CPPED1: variants seen among roughly 807,000 people sequenced by gnomAD.
CPPED1 encodes the protein calcineurin like phosphoesterase domain containing 1.
CPPED1 carries 28 observed loss-of-function variants against 28.0 expected under a neutral mutation model. The observed-to-expected ratio is 1.00, with a 90% CI of 0.74 to 1.37. The LOEUF (loss-of-function observed/expected upper bound fraction) is 1.37. Among genes scored for constraint, CPPED1 ranks in the 40% most tolerant of loss-of-function variants. The pLI, the probability that CPPED1 is intolerant of heterozygous loss-of-function variation, is 0.00. For missense variants in CPPED1, 504 were observed against 416.5 expected (o/e 1.21, Z -1.83); for synonymous variants, 198 against 180.2 (o/e 1.10, Z -0.79).
chr16:12,736,839 T>TA (rs1204920906), intron 2 of CPPED1, among the ~76,000 whole-genome samples: 1 of 152,098 alleles, frequency 6.6e-6, no homozygotes, highest in Non-Finnish European at 1.5e-5. Context: ...TGCTAAGTGT[T>TA]ACGGAGGGAA....
chr16:12,709,341 A>T lies in CPPED1; in HGVS notation c.290-4292T>A, dbSNP rs1394095755. ...TTGTTCTGGGGTCTCCAAGGTGGAT[A>T]AGAGGTATCTGCTGAGAAGTGGGTG... is the stretch of plus-strand genomic sequence containing the variant. On this transcript the variant is annotated intron_variant, in intron 2 of 3. Transcript: ENST00000381774. The surrounding 1 kb of genome is among the most constrained non-coding windows in gnomAD (Gnocchi z 4.4). 6.6e-6 allele frequency among the ~76,000 whole-genome samples: 1 copy of T among 152,194 alleles called. No individual in the cohort carries two copies. The highest frequency in any genetic ancestry group is 6.5e-5 in the Admixed American group (1 of 15,276).
chr16:12,693,225 G>A (rs1357929158), intron 3 of CPPED1, among the ~76,000 whole-genome samples: 3 of 152,112 alleles, frequency 2.0e-5, no homozygotes, highest in Non-Finnish European at 4.4e-5. Flanking sequence ...ATTTGCTTTT[G>A]AGAGTCTCAC....
chr16:12,678,342 A>G (rs1218788041), intron 3 of CPPED1, among the ~76,000 whole-genome samples: 1 of 152,226 alleles, frequency 6.6e-6, no homozygotes, highest in Non-Finnish European at 1.5e-5. Flanking sequence ...TTCCATCTAA[A>G]AAAGTAACTC....
chr16:12,782,870 C>CAAT (rs916337322), intron 1 of CPPED1, among the ~76,000 whole-genome samples: 3 of 151,192 alleles, frequency 2.0e-5, no homozygotes, highest in African/African-American at 4.9e-5. Flanking sequence ...GACTCTATCT[C>CAAT]AATAATAATA....
chr16:12,736,412 G>C (rs777392321), intron 2 of CPPED1, among the ~76,000 whole-genome samples: 13 of 151,978 alleles, frequency 8.6e-5, no homozygotes, highest in Middle Eastern at 3.2e-3. Context: ...GCTAATTTTT[G>C]TATTTTTAGT....
At chr16:12,686,241 A>ATATATTTTTT (rs35644844) in intron 3 of CPPED1, among the ~76,000 whole-genome samples, 32 of 106,966 alleles carry the variant, frequency 3.0e-4, no homozygotes, top group African/African-American at 1.3e-3. Context: ...ATATATATAT[A>ATATATTTTTT]TTTTTTTTTT....
At chr16:12,770,668 A>C (rs1285921407) in intron 2 of CPPED1, among the ~76,000 whole-genome samples, 1 of 152,086 alleles carries the variant, frequency 6.6e-6, no homozygotes, top group East Asian at 1.9e-4. Context: ...TAAAAATACA[A>C]AAATCAGCCG....
intron 2 of CPPED1, among the ~76,000 whole-genome samples, chr16:12,743,111 T>C (rs959693859): frequency 3.3e-5 from 5 of 152,160 alleles, no homozygotes; most frequent in Non-Finnish European, 7.3e-5. Context: ...GTGTTCAGCA[T>C]ACACCACATT....
At chr16:12,801,661 A>C (rs994860995) in intron 1 of CPPED1, among the ~76,000 whole-genome samples, 5 of 152,186 alleles carry the variant, frequency 3.3e-5, no homozygotes, top group Admixed American at 2.6e-4. Context: ...CAGAATGTTC[A>C]TAACAGCACT....
At chr16:12,791,182 A>G (rs2080594467) in intron 1 of CPPED1, among the ~76,000 whole-genome samples, 1 of 151,794 alleles carries the variant, frequency 6.6e-6, no homozygotes, top group African/African-American at 2.4e-5. Context: ...CCCCGCATGC[A>G]TTAGGTATTT....
chr16:12,684,397 T>G (rs1567275036), intron 3 of CPPED1, among the ~76,000 whole-genome samples: 1 of 152,160 alleles, frequency 6.6e-6, no homozygotes. Flanking sequence ...CAAGTAAAAT[T>G]TGAGGGTTCT....
intron 2 of CPPED1, among the ~76,000 whole-genome samples, chr16:12,750,693 G>A (rs182648708): frequency 1.3e-5 from 2 of 152,124 alleles, no homozygotes; most frequent in Non-Finnish European, 2.9e-5. Flanking sequence ...AACAGAGGCC[G>A]GGCGCAGTGG....
intron 1 of CPPED1, among the ~76,000 whole-genome samples, chr16:12,781,997 C>T (rs185903508): frequency 2.0e-4 from 30 of 151,964 alleles, no homozygotes; most frequent in Admixed American, 1.4e-3. Flanking sequence ...AAAGAAAAAT[C>T]GATGCTAACA....
intron 2 of CPPED1, among the ~76,000 whole-genome samples, chr16:12,756,085 C>CG (rs2080365532): frequency 6.6e-6 from 1 of 151,088 alleles, no homozygotes; most frequent in South Asian, 2.1e-4. Flanking sequence ...GAGCCAAGAT[C>CG]GCGCTACTGC....
At chr16:12,788,250 G>A (rs1596485844) in intron 1 of CPPED1, among the ~76,000 whole-genome samples, 1 of 152,162 alleles carries the variant, frequency 6.6e-6, no homozygotes, top group African/African-American at 2.4e-5. Context: ...CCCACCTTAA[G>A]GGCAGGGGAT....
intron 3 of CPPED1, among the ~76,000 whole-genome samples, chr16:12,693,388 G>C (rs2079973610): frequency 6.6e-6 from 1 of 152,076 alleles, no homozygotes; most frequent in Non-Finnish European, 1.5e-5. Flanking sequence ...GTAGAGACAG[G>C]TTTCACCATG....
At chr16:12,784,555 G>GA (rs11321564) in intron 1 of CPPED1, among the ~76,000 whole-genome samples, 12,793 of 146,842 alleles carry the variant, frequency 0.087, 607 homozygotes, top group African/African-American at 0.13. Flanking sequence ...ATTTTGTCAT[G>GA]AAAAAAAAAA....
intron 2 of CPPED1, among the ~76,000 whole-genome samples, chr16:12,708,598 G>A (rs1171755817): frequency 6.6e-6 from 1 of 152,120 alleles, no homozygotes; most frequent in Non-Finnish European, 1.5e-5. Context: ...ATAGTTTTTA[G>A]TTAAGAATCT....
At chr16:12,738,065 GATT>G (rs1174107290) in intron 2 of CPPED1, among the ~76,000 whole-genome samples, 2 of 152,134 alleles carry the variant, frequency 1.3e-5, no homozygotes, top group African/African-American at 4.8e-5. Context: ...TCGTGGCTTG[GATT>G]ATTCTTTCTT....
Sources: allele counts gnomAD v4.1 joint callset (sites outside exome capture counted in the v4.1 genomes callset), GRCh38; gene constraint gnomAD v4.1.1; non-coding constraint Gnocchi (gnomAD v3.1); transcripts MANE v1.5; gene names NCBI Gene and HGNC (gene_info 2026-07-23, HGNC 2026-07-21).